The following TAFA2 variants were observed in gnomAD, a reference collection of about 807,000 sequenced individuals.
The protein encoded by TAFA2 is TAFA chemokine like family member 2, also known as chemokine-like protein TAFA-2.
TAFA2 carries 7 observed loss-of-function variants against 18.8 expected under a neutral mutation model. The ratio of observed to expected loss-of-function variants is 0.37; its 90% CI spans 0.21 to 0.70. The LOEUF is 0.70. Among genes scored for constraint, TAFA2 ranks in the 30% least tolerant of loss-of-function variants. The probability of loss-of-function intolerance (pLI) is 0.53; values close to 1 mark genes in which losing one functional copy is unlikely to be tolerated. For missense variants in TAFA2, 122 were observed against 158.1 expected, an observed-to-expected ratio of 0.77 and a Z score of 1.23; for synonymous variants, 60 against 54.2, an observed-to-expected ratio of 1.11 and a Z score of -0.47.
chr12:61,921,561 T>TG (rs1042694708), intron 1 of TAFA2, among the ~76,000 whole-genome samples: 1 of 151,976 alleles, frequency 6.6e-6, no homozygotes, highest in African/African-American at 2.4e-5. Context: ...TGTGGTGTGG[T>TG]GGGGTATGAT....
chr12:62,241,502 T>C (rs2062862991), intron 1 of TAFA2, among the ~76,000 whole-genome samples: 1 of 152,198 alleles, frequency 6.6e-6, no homozygotes, highest in Non-Finnish European at 1.5e-5. Flanking sequence ...CGTTGCACTA[T>C]AATTTCTTGT....
At chr12:61,887,568 T>C (rs1592461987) in intron 1 of TAFA2, among the ~76,000 whole-genome samples, 1 of 143,564 alleles carries the variant, frequency 7.0e-6, no homozygotes, top group Non-Finnish European at 1.5e-5. Flanking sequence ...ATATCTCCCA[T>C]TGCTATCCCT....
chr12:61,796,996 C>T (rs1871214179), intron 2 of TAFA2, among the ~76,000 whole-genome samples: 1 of 152,138 alleles, frequency 6.6e-6, no homozygotes, highest in African/African-American at 2.4e-5. Flanking sequence ...TTACAAAACT[C>T]TCTCAATCAG....
chr12:61,920,242 C>T (rs1876993959), intron 1 of TAFA2, among the ~76,000 whole-genome samples: 1 of 152,090 alleles, frequency 6.6e-6, no homozygotes, highest in Non-Finnish European at 1.5e-5. Context: ...GCTTATGCCA[C>T]CCCAAAATAT....
intron 1 of TAFA2, among the ~76,000 whole-genome samples, chr12:62,024,177 C>T (rs1565720060): frequency 6.6e-6 from 1 of 152,128 alleles, no homozygotes; most frequent in Non-Finnish European, 1.5e-5. Flanking sequence ...CAGTAAACAG[C>T]TCCATGATCT....
rs80307693 is a variant in TAFA2, at chr12:62,116,978, G to A, written c.-2+74281C>T. Among the ~76,000 whole-genome samples the A allele has an allele frequency of 8.3e-3, 1,262 of 152,188 alleles. 21 individuals carry two copies. The highest frequency in any genetic ancestry group is 0.029 in the African/African-American group (1,217 of 41,512). On this transcript the variant is annotated intron_variant, in intron 1 of 4. Transcript: ENST00000416284. ...TATCCTTAAAAGAAGAGGAGACACC[G>A]GGGATGCATACACAGAGGAAAGACT... is the stretch of plus-strand genomic sequence containing the variant.
At chr12:61,994,529 A>G (rs1465671657) in intron 1 of TAFA2, among the ~76,000 whole-genome samples, 1 of 152,164 alleles carries the variant, frequency 6.6e-6, no homozygotes, top group African/African-American at 2.4e-5. Context: ...TCTGTTCCTC[A>G]TAGCTAAATT....
chr12:61,859,760 A>G (rs1419382474), intron 2 of TAFA2, among the ~76,000 whole-genome samples: 1 of 152,090 alleles, frequency 6.6e-6, no homozygotes, highest in Non-Finnish European at 1.5e-5. Flanking sequence ...GCAATACTCT[A>G]TTGTTCAAAA....
chr12:62,210,185 C>CTAAATAAATAAATAAATAAATAAA (rs56194828), intron 1 of TAFA2, among the ~76,000 whole-genome samples: 2 of 144,332 alleles, frequency 1.4e-5, no homozygotes, highest in Admixed American at 6.9e-5. Context: ...GACTCTGTCT[C>CTAAATAAATAAATAAATAAATAAA]TAAATAAATA....
chr12:62,253,378 A>G (rs1351121805), intron 1 of TAFA2: 1 of 152,240 alleles, frequency 6.6e-6, no homozygotes, highest in East Asian at 1.9e-4. Flanking sequence ...TCTTCCTTAA[A>G]GTAGGCTCTT....
intron 1 of TAFA2, among the ~76,000 whole-genome samples, chr12:61,978,216 C>A (rs1006329194): frequency 3.3e-5 from 5 of 151,906 alleles, no homozygotes; most frequent in African/African-American, 1.2e-4. Context: ...CTAAGTCTAC[C>A]TGAGTAATTT....
At chr12:62,103,927 C>T (rs1423844790) in intron 1 of TAFA2, among the ~76,000 whole-genome samples, 1 of 152,144 alleles carries the variant, frequency 6.6e-6, no homozygotes, top group African/African-American at 2.4e-5. Context: ...ACTCCATCCT[C>T]CTCTAACCCT....
rs145877287 is a variant in TAFA2, at chr12:61,882,368, G to A, written c.-1-14942C>T. ...CTGGAGGAAAACAATAAAGCACAAGGTATAAAAATACCAAAGAAGTCAGCT... is the reference window on the plus strand; with the variant it reads ...CTGGAGGAAAACAATAAAGCACAAGATATAAAAATACCAAAGAAGTCAGCT... On this transcript the variant is annotated intron_variant, in intron 1 of 4. Coordinates refer to ENST00000416284, the MANE Select transcript of TAFA2 (RefSeq NM_178539.5). Among the ~76,000 whole-genome samples, 1,123 of 152,232 alleles carry A rather than the reference G, an allele frequency of 7.4e-3. 9 individuals carry two copies. The highest frequency in any genetic ancestry group is 0.024 in the African/African-American group (984 of 41,556).
At chr12:62,242,214 T>C (rs930078454) in intron 1 of TAFA2, among the ~76,000 whole-genome samples, 4 of 152,054 alleles carry the variant, frequency 2.6e-5, no homozygotes, top group African/African-American at 7.2e-5. Context: ...TTAGGAGTAA[T>C]GAAAATTACA....
intron 1 of TAFA2, among the ~76,000 whole-genome samples, chr12:62,175,341 C>A (rs1334261478): frequency 6.6e-6 from 1 of 152,044 alleles, no homozygotes; most frequent in Non-Finnish European, 1.5e-5. Flanking sequence ...CTTCTCTGGG[C>A]CTTGGGACCA....
At chr12:62,258,227 C>T (rs2062949827) in intron 1 of TAFA2, 1 of 152,174 alleles carries the variant, frequency 6.6e-6, no homozygotes, top group African/African-American at 2.4e-5. Context: ...ATAATTTTAT[C>T]TCTTTCCTGA....
chr12:62,054,491 T>C (rs76685710), intron 1 of TAFA2, among the ~76,000 whole-genome samples: 2,813 of 152,300 alleles, frequency 0.018, 56 homozygotes, highest in African/African-American at 0.041. Flanking sequence ...AAGTACAAGA[T>C]ACTTTAAGCT....
intron 4 of TAFA2, among the ~76,000 whole-genome samples, chr12:61,722,781 C>T (rs917702673): frequency 2.0e-5 from 3 of 152,190 alleles, no homozygotes; most frequent in African/African-American, 7.2e-5. Flanking sequence ...CTATTTCCTA[C>T]TCTTGGTCCC....
intron 1 of TAFA2, among the ~76,000 whole-genome samples, chr12:62,157,309 C>G (rs1359114269): frequency 6.6e-6 from 1 of 151,670 alleles, no homozygotes; most frequent in Non-Finnish European, 1.5e-5. Context: ...AAAGAAGAAA[C>G]TAGGAAAATA....
Sources: gnomAD v4.1 joint callset for allele counts (sites outside exome capture counted in the v4.1 genomes callset) on GRCh38, gnomAD v4.1.1 for gene constraint, MANE v1.5 for transcripts, NCBI Gene and HGNC (gene_info 2026-07-23, HGNC 2026-07-21) for gene names.